The following CASKIN1 variants were observed in gnomAD, a reference collection of about 807,000 sequenced individuals.
The protein encoded by CASKIN1 is CASK interacting protein 1.
A neutral mutation model predicts 117.5 loss-of-function variants in CASKIN1; 42 were observed. That is an observed-to-expected ratio of 0.36 (90% CI 0.28 to 0.46). The LOEUF (loss-of-function observed/expected upper bound fraction) is 0.46. CASKIN1 is among the 20% of genes least tolerant of loss of function. The pLI is 1.00. For missense variants in CASKIN1, 2,083 were observed against 2,077.3 expected (o/e 1.00, Z -0.05); for synonymous variants, 1,148 against 961.7 (o/e 1.19, Z -3.59).
Position 2,178,440 on chromosome 16 carries a change from G to A in CASKIN1, c.*110C>T. 1 of 800,716 alleles carries A rather than the reference G, an allele frequency of 1.2e-6. No individual in the cohort carries two copies. The highest frequency in any genetic ancestry group is 1.8e-6 in the Non-Finnish European group (1 of 556,876). The allele number at this position is 800,716 out of a possible 1,614,324, so 49.6% of individuals were successfully genotyped here. A position where few individuals can be genotyped will look rare whatever the true frequency, so the allele number is the denominator to read the frequency against. On this transcript the variant is annotated 3_prime_UTR_variant, in exon 20 of 20. Coordinates refer to ENST00000343516, the MANE Select transcript of CASKIN1 (RefSeq NM_020764.4). ...GTCCAGGGGCCGGAGTTGTGCTTCT[G>A]CAGGGCCCTGCCCGGCCGCTCGCGC...
chr16:2,183,067 G>A (rs920196644), intron 16 of CASKIN1, among the ~76,000 whole-genome samples: 20 of 152,206 alleles, frequency 1.3e-4, no homozygotes, highest in Admixed American at 5.2e-4. Flanking sequence ...GATTACAGGC[G>A]TGAGCCACCG....
At position 2,183,518 on chromosome 16, in the gene CASKIN1, C is replaced by T. The variant is rs1437218759; in HGVS notation, c.1629+128G>A. The T allele has an allele frequency of 3.0e-5, 26 of 855,134 alleles. No individual in the cohort carries two copies. The Admixed American group carries it at 6.4e-4, about 21-fold the overall frequency. 53.0% of individuals were successfully genotyped at this position (855,134 alleles called of 1,614,324 possible). A position where few individuals can be genotyped will look rare whatever the true frequency, so the allele number is the denominator to read the frequency against. On this transcript the variant is annotated intron_variant, in intron 16 of 19. Coordinates refer to ENST00000343516, the MANE Select transcript of CASKIN1 (RefSeq NM_020764.4). ...ATCGGGAGGCTCCCTGCTAGCAGGG[C>T]ATCCTCCACTCTCCTCTCCCTCAAG...
Position 2,179,758 on chromosome 16 carries a change from C to T in CASKIN1, c.3610G>A (p.Asp1204Asn). ...PPPPAEPPPT[D>N]LAHLPPLPPP... is the part of the protein sequence containing the mutation. ...GGCAATGGGGGTAGGTGCGCCAGGT[C>T]GGTGGGCGGGGGTTCGGCAGGCGGG... The change falls in exon 18 of 20, where the codon GAC (aspartate) becomes AAC (asparagine). Residue 1204 changes from aspartate (D) to asparagine (N), a missense_variant. By Grantham distance (23) the Asp-to-Asn change is conservative. Coordinates refer to ENST00000343516, the MANE Select transcript of CASKIN1 (RefSeq NM_020764.4). The surrounding 1 kb of genome is among the most constrained non-coding windows in gnomAD (Gnocchi z 5.8). 1 of 1,346,630 alleles carries T rather than the reference C, an allele frequency of 7.4e-7. No homozygotes were observed. Among genetic ancestry groups the T allele is most frequent in the Non-Finnish European group, 1.0e-6 (1 of 1,003,924 alleles). The allele number at this position is 1,346,630 out of a possible 1,614,324, so 83.4% of individuals were successfully genotyped here.
rs1218659996 is a variant in CASKIN1, at chr16:2,177,414, A to G, written c.*1136T>C. Reference sequence around the variant, plus strand: ...CACACCACAATCGCTGGTTTTCGGCATTTTTTAAATTTTTTTTTTAAGAAA... The same window carrying G: ...CACACCACAATCGCTGGTTTTCGGCGTTTTTTAAATTTTTTTTTTAAGAAA... On this transcript the variant is annotated 3_prime_UTR_variant, in exon 20 of 20. Coordinates refer to ENST00000343516, the MANE Select transcript of CASKIN1 (RefSeq NM_020764.4). The G allele has an allele frequency of 4.3e-6, 1 of 232,678 alleles. No individual in the cohort carries two copies. Among genetic ancestry groups the G allele is most frequent in the African/African-American group, 2.2e-5 (1 of 45,202 alleles). The allele number at this position is 232,678 out of a possible 1,614,324, so 14.4% of individuals were successfully genotyped here.
At chr16:2,189,191 T>C in intron 5 of CASKIN1, 34 bp from the exon 6 acceptor site, 1 of 1,612,590 alleles carries the variant, frequency 6.2e-7, no homozygotes, top group Non-Finnish European at 8.5e-7. Flanking sequence ...GGGGTCCTGA[T>C]GTGGGGCTCC....
chr16:2,193,313 G>A lies in CASKIN1; in HGVS notation c.95-2955C>T, dbSNP rs138839579. Among the ~76,000 whole-genome samples, 157 of 152,288 alleles carry A rather than the reference G, an allele frequency of 1.0e-3. 1 individual carries two copies. In the East Asian group the frequency reaches 0.028, roughly 27 times the overall value. On this transcript the variant is annotated intron_variant, in intron 1 of 19. Transcript: ENST00000343516. ...ATGACAGGCATGAGCCACCATGCCC[G>A]GCCTGAAATTCTTATTTTTGAGCAA...
chr16:2,178,127 T>C lies in CASKIN1; in HGVS notation c.*423A>G, dbSNP rs1474383672. The C allele has an allele frequency of 2.0e-6, 1 of 502,468 alleles. No homozygotes were observed. Among genetic ancestry groups the C allele is most frequent in the South Asian group, 1.6e-5 (1 of 62,862 alleles). 31.1% of individuals were successfully genotyped at this position (502,468 alleles called of 1,614,324 possible). Reference sequence around the variant, plus strand: ...CCAATAAATTAATACTCTTGATAGCTTATATTCTGGGGGTGCGGTGGGGCA... The same window carrying C: ...CCAATAAATTAATACTCTTGATAGCCTATATTCTGGGGGTGCGGTGGGGCA... On this transcript the variant is annotated 3_prime_UTR_variant, in exon 20 of 20. Coordinates refer to ENST00000343516, the MANE Select transcript of CASKIN1 (RefSeq NM_020764.4).
Position 2,180,911 on chromosome 16 carries a change from T to G in CASKIN1, c.2457A>C (p.Ser819=). The G allele has an allele frequency of 1.4e-6, 2 of 1,449,308 alleles. No homozygotes were observed. Among genetic ancestry groups the G allele is most frequent in the African/African-American group, 1.5e-5 (1 of 67,166 alleles). 89.8% of individuals were successfully genotyped at this position (1,449,308 alleles called of 1,614,324 possible). A position where few individuals can be genotyped will look rare whatever the true frequency, so the allele number is the denominator to read the frequency against. Reference sequence around the variant, plus strand: ...TCGGTGACTGAGGCAGGGAGCGGGGTGACATGGGGCGCTCTGTCGGCGGCA... The same window carrying G: ...TCGGTGACTGAGGCAGGGAGCGGGGGGACATGGGGCGCTCTGTCGGCGGCA... The part of the protein sequence containing the change: ...QLLPPTERPM[S]PRSLPQSPTH... Residue 819 remains serine (S), a synonymous_variant, in exon 18 of 20, where the codon TCA becomes TCC. Coordinates refer to ENST00000343516, the MANE Select transcript of CASKIN1 (RefSeq NM_020764.4).
chr16:2,184,656 C>G (rs1036651367), intron 14 of CASKIN1, 121 bp downstream of exon 14: 1 of 747,112 alleles, frequency 1.3e-6, no homozygotes, highest in African/African-American at 1.8e-5. Flanking sequence ...GAGGGTCTGG[C>G]CTGGCAATGC....
intron 3 of CASKIN1, 30 bp from the exon 4 acceptor site, chr16:2,189,594 C>T (rs1464224374): frequency 1.9e-6 from 3 of 1,568,182 alleles, no homozygotes; most frequent in African/African-American, 1.3e-5. Flanking sequence ...TGGGAGCTGA[C>T]CCTTGACCCC....
Position 2,196,291 on chromosome 16 carries a change from G to A in CASKIN1, c.94+48C>T. On this transcript the variant is annotated intron_variant, in intron 1 of 19. Transcript: ENST00000343516. This position sits in a 1 kb window ranked among gnomAD's most constrained non-coding sequence, Gnocchi z 5.7. Reference sequence around the variant, plus strand: ...GCCGGGTGGGGGGCTCCGCGCCGGGGAGGGGCCCCCGGGGCTCCCACCCGC... The same window carrying A: ...GCCGGGTGGGGGGCTCCGCGCCGGGAAGGGGCCCCCGGGGCTCCCACCCGC... 2 of 926,212 alleles carry A rather than the reference G, an allele frequency of 2.2e-6. No individual in the cohort carries two copies. Among genetic ancestry groups the A allele is most frequent in the Non-Finnish European group, 2.7e-6 (2 of 736,146 alleles). 57.4% of individuals were successfully genotyped at this position (926,212 alleles called of 1,614,324 possible). A position where few individuals can be genotyped will look rare whatever the true frequency, so the allele number is the denominator to read the frequency against.
At position 2,177,614 on chromosome 16, in the gene CASKIN1, C is replaced by T; in HGVS notation, c.*936G>A. The T allele has an allele frequency of 8.5e-6, 2 of 236,556 alleles. No homozygotes were observed. The highest frequency in any genetic ancestry group is 1.2e-4 in the East Asian group (2 of 16,480). 14.7% of individuals were successfully genotyped at this position (236,556 alleles called of 1,614,324 possible). ...GAACTCCACTGGGGTGGATGGGCTG[C>T]CTGCACAGCCCCTGGAGAGGGGGCC... On this transcript the variant is annotated 3_prime_UTR_variant, in exon 20 of 20. Coordinates refer to ENST00000343516, the MANE Select transcript of CASKIN1 (RefSeq NM_020764.4).
chr16:2,187,125 C>T, intron 8 of CASKIN1, 41 bp downstream of exon 8: 3 of 1,612,832 alleles, frequency 1.9e-6, no homozygotes, highest in South Asian at 2.2e-5. Context: ...CTGGCCCAGC[C>T]CCAGCCCCAG....
chr16:2,184,457 G>A (rs1424699188), intron 14 of CASKIN1, among the ~76,000 whole-genome samples: 7 of 152,130 alleles, frequency 4.6e-5, no homozygotes, highest in South Asian at 2.1e-4. Context: ...CCATGCACAC[G>A]CTGCACCATC....
chr16:2,187,331 C>T (rs770078432), intron 7 of CASKIN1, 22 bp downstream of exon 7: 15 of 1,609,354 alleles, frequency 9.3e-6, no homozygotes, highest in Admixed American at 5.0e-5. Flanking sequence ...CTGGGCCCAG[C>T]GCCCCTGGGC....
chr16:2,185,331 A>C lies in CASKIN1; in HGVS notation c.1126T>G (p.Trp376Gly). The C allele has an allele frequency of 6.2e-7, 1 of 1,605,414 alleles. No individual in the cohort carries two copies. The highest frequency in any genetic ancestry group is 8.5e-7 in the Non-Finnish European group (1 of 1,174,062). The stretch of plus-strand genomic sequence containing the variant: ...CCTGCAAAAGGCTTCCTCAGCACCC[A>C]GATCTCCTCTGGGGGTGCAGAGGGT... Reference protein sequence around the residue: ...SGPSAPPEEIWVLRKPFAGGD... With the variant: ...SGPSAPPEEIGVLRKPFAGGD... The change falls in exon 11 of 20, where the codon TGG (tryptophan) becomes GGG (glycine). Residue 376 changes from tryptophan to glycine, a missense_variant. Transcript: ENST00000343516.
chr16:2,182,909 G>T lies in CASKIN1; in HGVS notation c.1629+737C>A, dbSNP rs973116207. ...GGGTTCATGCCATTCTCCTGCCTCA[G>T]ACTCCCAAGTAGCTGGGACTATAGG... On this transcript the variant is annotated intron_variant, in intron 16 of 19. Coordinates refer to ENST00000343516, the MANE Select transcript of CASKIN1 (RefSeq NM_020764.4). This position sits in a 1 kb window ranked among gnomAD's most constrained non-coding sequence, Gnocchi z 4.1. Among the ~76,000 whole-genome samples, 1 of 152,212 alleles carries T rather than the reference G, an allele frequency of 6.6e-6. No homozygotes were observed. The highest frequency in any genetic ancestry group is 6.5e-5 in the Admixed American group (1 of 15,282).
rs758823040 is a variant in CASKIN1 at position 2,180,443 on chromosome 16, G to A, written c.2925C>T (p.Gly975=). 8 of 1,562,578 alleles carry A rather than the reference G, an allele frequency of 5.1e-6. No individual in the cohort carries two copies. The highest frequency in any genetic ancestry group is 1.7e-4 in the Middle Eastern group (1 of 5,978). ...GGCACTGTGCCCGGACCCCCAGCAG[G>A]CCATCCTCAGGCTCGGCGTCAGGCA... ...EPVPDAEPED[G]LLGVRAQCRR... Residue 975 remains glycine (G), a synonymous_variant, in exon 18 of 20, where the codon GGC becomes GGT. Transcript: ENST00000343516.
chr16:2,184,018 TGGCC>T, intron 14 of CASKIN1, 77 bp from the exon 15 acceptor site: 2 of 999,430 alleles, frequency 2.0e-6, no homozygotes, highest in Non-Finnish European at 1.4e-6. Context: ...CTCCTCTGCT[TGGCC>T]GGCCAGCCGT....
Sources: allele counts gnomAD v4.1 joint callset (sites outside exome capture counted in the v4.1 genomes callset), GRCh38; gene constraint gnomAD v4.1.1; non-coding constraint Gnocchi (gnomAD v3.1); transcripts MANE v1.5; gene names NCBI Gene and HGNC (gene_info 2026-07-23, HGNC 2026-07-21).